The following ARHGEF3 variants were observed in gnomAD, a reference collection of about 807,000 sequenced individuals.
ARHGEF3 encodes 59.8 kDA protein.
ARHGEF3 carries 28 observed loss-of-function variants against 63.2 expected under a neutral mutation model. The observed-to-expected ratio is 0.44, with a 90% confidence interval of 0.33 to 0.61. The LOEUF (loss-of-function observed/expected upper bound fraction) is 0.61. Among genes scored for constraint, ARHGEF3 ranks in the 20% least tolerant of loss-of-function variants. The pLI is 0.03. For missense variants in ARHGEF3, 533 were observed against 659.3 expected, an observed-to-expected ratio of 0.81 and a Z score of 2.10; for synonymous variants, 266 against 254.2, an observed-to-expected ratio of 1.05 and a Z score of -0.44.
chr3:56,748,116 C>A (rs915503035), intron 6 of ARHGEF3, among the ~76,000 whole-genome samples: 4 of 152,170 alleles, frequency 2.6e-5, no homozygotes, highest in Admixed American at 6.5e-5. Context: ...CTTACTGCAG[C>A]CTCTTCTTCC....
intron 1 of ARHGEF3, among the ~76,000 whole-genome samples, chr3:57,067,431 G>A (rs1196607871): frequency 6.8e-6 from 1 of 147,472 alleles, no homozygotes; most frequent in Non-Finnish European, 1.5e-5. Flanking sequence ...CTCCAGCCTG[G>A]GTGACAGCAA....
At chr3:57,025,216 G>A (rs751348395) in intron 2 of ARHGEF3, among the ~76,000 whole-genome samples, 6 of 152,216 alleles carry the variant, frequency 3.9e-5, no homozygotes, top group Non-Finnish European at 5.9e-5. Flanking sequence ...GAGATGAGTA[G>A]GGAAAGGAAA....
chr3:56,983,736 G>A (rs1224889962), intron 2 of ARHGEF3, among the ~76,000 whole-genome samples: 7 of 152,044 alleles, frequency 4.6e-5, no homozygotes, highest in Non-Finnish European at 1.0e-4. Context: ...AGGAGATCGA[G>A]GCCATCCTGG....
At chr3:56,741,685 A>G (rs537872680) in intron 7 of ARHGEF3, among the ~76,000 whole-genome samples, 1 of 149,146 alleles carries the variant, frequency 6.7e-6, no homozygotes, top group South Asian at 2.1e-4. Context: ...TTGTATTTTT[A>G]GTAGAGACGG....
intron 4 of ARHGEF3, among the ~76,000 whole-genome samples, chr3:56,867,668 G>C (rs920904840): frequency 6.6e-6 from 1 of 151,992 alleles, no homozygotes; most frequent in Admixed American, 6.6e-5. Context: ...ACAGGGTTTC[G>C]TCGTGTTGCC....
At chr3:56,948,298 T>G (rs933414495) in intron 3 of ARHGEF3, among the ~76,000 whole-genome samples, 4 of 151,944 alleles carry the variant, frequency 2.6e-5, no homozygotes, top group African/African-American at 9.7e-5. Flanking sequence ...CTGAAGGAGA[T>G]ACAGACATAA....
chr3:56,951,171 CTA>C (rs1491218319), intron 3 of ARHGEF3, among the ~76,000 whole-genome samples: 1 of 151,486 alleles, frequency 6.6e-6, no homozygotes, highest in Admixed American at 6.6e-5. Context: ...GGAGATATAC[CTA>C]TGTTAAATGA....
chr3:57,017,032 TCACACACACACA>T (rs1553806980), intron 2 of ARHGEF3, among the ~76,000 whole-genome samples: 22 of 104,316 alleles, frequency 2.1e-4, no homozygotes, highest in African/African-American at 6.4e-4. Context: ...TCTCTCTCTC[TCACACACACACA>T]CACACACACA....
chr3:56,985,961 A>G (rs2106925482), intron 2 of ARHGEF3, among the ~76,000 whole-genome samples: 1 of 152,358 alleles, frequency 6.6e-6, no homozygotes, highest in South Asian at 2.1e-4. Context: ...GGGCTCCCAG[A>G]GAAGGCCCTG....
intron 4 of ARHGEF3, among the ~76,000 whole-genome samples, chr3:56,847,866 C>T (rs554541259): frequency 1.8e-3 from 280 of 152,308 alleles, no homozygotes; most frequent in Non-Finnish European, 3.2e-3. Context: ...GTGTGAGCCA[C>T]CATGCCTGGC....
At chr3:56,743,920 G>A (rs2034207957) in intron 7 of ARHGEF3, among the ~76,000 whole-genome samples, 2 of 151,970 alleles carry the variant, frequency 1.3e-5, no homozygotes, top group Admixed American at 1.3e-4. Flanking sequence ...CCAAGAGTAT[G>A]TGTCCAAGGT....
At chr3:56,958,448 C>A (rs1700138368) in intron 3 of ARHGEF3, among the ~76,000 whole-genome samples, 1 of 151,746 alleles carries the variant, frequency 6.6e-6, no homozygotes, top group Admixed American at 6.6e-5. Context: ...CCCACCTCAG[C>A]CTCCTGAGTA....
intron 1 of ARHGEF3, among the ~76,000 whole-genome samples, chr3:57,062,674 G>A (rs1172890483): frequency 6.6e-6 from 1 of 151,994 alleles, no homozygotes; most frequent in African/African-American, 2.4e-5. Flanking sequence ...GGAATGACAG[G>A]ACTCGCTGTT....
intron 7 of ARHGEF3, among the ~76,000 whole-genome samples, chr3:56,744,093 CCT>C (rs996269076): frequency 1.3e-5 from 2 of 152,172 alleles, no homozygotes; most frequent in African/African-American, 4.8e-5. Flanking sequence ...GAACCCACAT[CCT>C]CTGTCTTCTC....
chr3:57,065,574 C>A (rs1560173544), intron 1 of ARHGEF3, among the ~76,000 whole-genome samples: 1 of 152,156 alleles, frequency 6.6e-6, no homozygotes, highest in African/African-American at 2.4e-5. Flanking sequence ...AAAAAACAGA[C>A]TGGGTACTTG....
intron 4 of ARHGEF3, among the ~76,000 whole-genome samples, chr3:56,868,357 G>T (rs927398538): frequency 4.7e-4 from 64 of 136,978 alleles, no homozygotes; most frequent in African/African-American, 1.6e-3. Context: ...TTCTTTTTTT[G>T]TTTGTTTTTT....
intron 4 of ARHGEF3, among the ~76,000 whole-genome samples, chr3:56,824,247 T>C (rs912741994): frequency 1.1e-4 from 17 of 152,248 alleles, no homozygotes; most frequent in Admixed American, 3.3e-4. Context: ...AAGAAAAAGA[T>C]GTTTACAAAA....
intron 3 of ARHGEF3, among the ~76,000 whole-genome samples, chr3:56,898,095 G>A (rs979833080): frequency 3.3e-5 from 5 of 151,628 alleles, no homozygotes; most frequent in Non-Finnish European, 4.4e-5. Context: ...GCCCAGGCTC[G>A]TCTCGAACTC....
chr3:57,042,896 A>G (rs1196400635), intron 1 of ARHGEF3, among the ~76,000 whole-genome samples: 1 of 150,630 alleles, frequency 6.6e-6, no homozygotes, highest in Non-Finnish European at 1.5e-5. Flanking sequence ...ACGAGGTTTC[A>G]CCATGTTAGC....
Sources: gnomAD v4.1 joint callset for allele counts (sites outside exome capture counted in the v4.1 genomes callset) on GRCh38, gnomAD v4.1.1 for gene constraint, MANE v1.5 for transcripts, NCBI Gene and HGNC (gene_info 2026-07-23, HGNC 2026-07-21) for gene names.